Variants in WWC2 observed in about 807,000 individuals in gnomAD.
WWC2 encodes the protein WW and C2 domain containing 2.
A neutral mutation model predicts 138.5 loss-of-function variants in WWC2; 101 were observed. That is an observed-to-expected ratio of 0.73 (90% CI 0.62 to 0.86). The LOEUF (loss-of-function observed/expected upper bound fraction) is 0.86, where lower values mean the gene tolerates loss of function less well. Ranked by LOEUF, WWC2 falls within the 40% of genes least tolerant of loss-of-function variation. The probability of loss-of-function intolerance (pLI) is 0.00; values close to 1 mark genes in which losing one functional copy is unlikely to be tolerated. For synonymous variants in WWC2, 558 were observed against 538.4 expected, an observed-to-expected ratio of 1.04 and a Z score of -0.50; for missense variants, 1,420 against 1,419.4, an observed-to-expected ratio of 1.00 and a Z score of -0.01.
chr4:183,244,327 G>A (rs1423667819), intron 5 of WWC2, among the ~76,000 whole-genome samples: 2 of 152,096 alleles, frequency 1.3e-5, no homozygotes, highest in African/African-American at 4.8e-5. Flanking sequence ...ATTCGATTAG[G>A]CCCTTCGAAC....
chr4:183,309,822 T>C (rs1209844807), intron 21 of WWC2, among the ~76,000 whole-genome samples: 1 of 152,224 alleles, frequency 6.6e-6, no homozygotes, highest in Admixed American at 6.5e-5. Context: ...CAAGATGTCC[T>C]TCAGTAGGTG....
chr4:183,197,088 C>G (rs1341846652), intron 2 of WWC2, among the ~76,000 whole-genome samples: 1 of 152,172 alleles, frequency 6.6e-6, no homozygotes, highest in Non-Finnish European at 1.5e-5. Flanking sequence ...TATTGCTTAA[C>G]TCAGCAATCA....
intron 4 of WWC2, among the ~76,000 whole-genome samples, chr4:183,213,669 T>G (rs1302396152): frequency 2.6e-5 from 4 of 152,218 alleles, no homozygotes; most frequent in Admixed American, 2.0e-4. Flanking sequence ...GGGATAACAG[T>G]ACTTCCCGAT....
chr4:183,233,447 C>T lies in WWC2; in HGVS notation c.523-6736C>T, dbSNP rs555927213. On this transcript the variant is annotated intron_variant, in intron 4 of 22. Coordinates refer to ENST00000403733, the MANE Select transcript of WWC2 (RefSeq NM_024949.6). ...GCTGGGATTATAGGTGTGAGCCACT[C>T]GCCCAGCCTTACTGGTTTAATTATT... Among the ~76,000 whole-genome samples, 5 of 152,082 alleles carry T rather than the reference C, an allele frequency of 3.3e-5. No individual in the cohort carries two copies. The South Asian group carries it at 8.3e-4, about 25-fold the overall frequency.
chr4:183,207,889 A>C (rs972516049), intron 2 of WWC2, 64 bp from the exon 3 acceptor site: 2 of 1,443,890 alleles, frequency 1.4e-6, no homozygotes, highest in Non-Finnish European at 9.3e-7. Flanking sequence ...CTACTCCCTA[A>C]AGCTTAAACA....
intron 16 of WWC2, among the ~76,000 whole-genome samples, chr4:183,277,249 T>C (rs1400217621): frequency 4.0e-5 from 6 of 149,176 alleles, no homozygotes; most frequent in Non-Finnish European, 7.5e-5. Context: ...TTTGTTCTTG[T>C]GATAGTTTAC....
At chr4:183,241,606 T>C (rs920018841) in intron 5 of WWC2, among the ~76,000 whole-genome samples, 2 of 152,194 alleles carry the variant, frequency 1.3e-5, no homozygotes, top group Non-Finnish European at 2.9e-5. Flanking sequence ...AGAAAAATAA[T>C]GTTTCTAGTC....
intron 1 of WWC2, among the ~76,000 whole-genome samples, chr4:183,155,221 A>AGAGAGAGAGAGAGAGAGTGAGT (rs61543148): frequency 7.4e-6 from 1 of 135,184 alleles, no homozygotes; most frequent in African/African-American, 2.8e-5. Flanking sequence ...AGAGAGAGAG[A>AGAGAGAGAGAGAGAGAGTGAGT]GAGTTAGTTG....
chr4:183,307,093 A>G (rs1435308522), intron 21 of WWC2, among the ~76,000 whole-genome samples: 1 of 152,188 alleles, frequency 6.6e-6, no homozygotes, highest in South Asian at 2.1e-4. Context: ...ATTCACCAAG[A>G]TATAGACCAC....
intron 19 of WWC2, 27 bp downstream of exon 19, chr4:183,284,417 C>G: frequency 1.2e-6 from 2 of 1,602,496 alleles, no homozygotes; most frequent in Non-Finnish European, 8.5e-7. Context: ...CGTGGTGAGG[C>G]GCTGGGACTG....
At chr4:183,145,652 T>A (rs1733432141) in intron 1 of WWC2, among the ~76,000 whole-genome samples, 1 of 152,216 alleles carries the variant, frequency 6.6e-6, no homozygotes, top group South Asian at 2.1e-4. Context: ...GAAGAAGAAC[T>A]GTTTTCCCCT....
chr4:183,165,877 G>C (rs1007806869), intron 1 of WWC2, among the ~76,000 whole-genome samples: 1 of 152,162 alleles, frequency 6.6e-6, no homozygotes, highest in Non-Finnish European at 1.5e-5. Context: ...AAGACTTTCT[G>C]TCATAGTAAA....
chr4:183,320,217 A>G lies in WWC2; in HGVS notation c.*4488A>G, dbSNP rs1257730710. On this transcript the variant is annotated 3_prime_UTR_variant, in exon 23 of 23. Transcript: ENST00000403733. ...AGCTACAGTTCTAAATACTAAAGCC[A>G]TTATAATGTCCTGAGAGCTTTAGCC... is the stretch of plus-strand genomic sequence containing the variant. The G allele has an allele frequency of 1.9e-6, 3 of 1,612,088 alleles. No individual in the cohort carries two copies. Among genetic ancestry groups the G allele is most frequent in the East Asian group, 4.5e-5 (2 of 44,884 alleles).
At chr4:183,251,270 G>A (rs538721484) in intron 8 of WWC2, among the ~76,000 whole-genome samples, 16 of 152,316 alleles carry the variant, frequency 1.1e-4, no homozygotes, top group South Asian at 4.1e-4. Flanking sequence ...GCCAGCTTTC[G>A]GTAGATAGTG....
chr4:183,312,043 C>T (rs749104230), intron 21 of WWC2, among the ~76,000 whole-genome samples: 7 of 152,086 alleles, frequency 4.6e-5, no homozygotes, highest in Non-Finnish European at 8.8e-5. Context: ...AGTAATTTTC[C>T]GTTTCATTTT....
At chr4:183,166,983 A>AC in intron 1 of WWC2, among the ~76,000 whole-genome samples, 1 of 152,246 alleles carries the variant, frequency 6.6e-6, no homozygotes, top group East Asian at 1.9e-4. Flanking sequence ...ATACCAAGGC[A>AC]CCATGTGGCT....
At position 183,193,546 on chromosome 4, in the gene WWC2, A is replaced by G. The variant is rs1735047314; in HGVS notation, c.132-53A>G. The G allele has an allele frequency of 2.6e-6, 4 of 1,525,530 alleles. No individual in the cohort carries two copies. The East Asian group carries it at 9.0e-5, about 34-fold the overall frequency. The allele number at this position is 1,525,530 out of a possible 1,614,324, so 94.5% of individuals were successfully genotyped here. On this transcript the variant is annotated intron_variant, in intron 1 of 22. Coordinates refer to ENST00000403733, the MANE Select transcript of WWC2 (RefSeq NM_024949.6). ...TGTGGTTAGGGTGCTGAATTTTGAC[A>G]TATGCGGTTTGACGGAAAGAATCAC...
At chr4:183,203,113 C>A (rs1473315538) in intron 2 of WWC2, among the ~76,000 whole-genome samples, 1 of 151,720 alleles carries the variant, frequency 6.6e-6, no homozygotes, top group Non-Finnish European at 1.5e-5. Context: ...GATATTACAT[C>A]TCAGTTCTTT....
chr4:183,244,354 C>T lies in WWC2; in HGVS notation c.603-1062C>T, dbSNP rs17356564. On this transcript the variant is annotated intron_variant, in intron 5 of 22. Coordinates refer to ENST00000403733, the MANE Select transcript of WWC2 (RefSeq NM_024949.6). The stretch of plus-strand genomic sequence containing the variant: ...CCTTCGAACACAAAGAATTAGGTTA[C>T]GTGAAATCCTCTAGCCTAAGGTGAC... 9.1e-3 allele frequency among the ~76,000 whole-genome samples: 1,385 copies of T among 152,166 alleles called. 9 individuals carry two copies. Among genetic ancestry groups the T allele is most frequent in the Middle Eastern group, 0.031 (9 of 294 alleles).
Sources: gnomAD v4.1 joint callset for allele counts (sites outside exome capture counted in the v4.1 genomes callset) on GRCh38, gnomAD v4.1.1 for gene constraint, MANE v1.5 for transcripts, NCBI Gene and HGNC (gene_info 2026-07-23, HGNC 2026-07-21) for gene names.